Variants in CCL25 observed in about 807,000 individuals in gnomAD.
The protein encoded by CCL25 is C-C motif chemokine ligand 25.
Under a neutral mutation model 19.9 loss-of-function variants are expected in CCL25, and 14 were observed. The ratio of observed to expected loss-of-function variants is 0.70; its 90% CI spans 0.47 to 1.10. The LOEUF (loss-of-function observed/expected upper bound fraction) is 1.10, where lower values mean the gene tolerates loss of function less well. Ranked by LOEUF, CCL25 falls within the 50% of genes least tolerant of loss-of-function variation. The pLI, the probability that CCL25 is intolerant of heterozygous loss-of-function variation, is 0.00. For synonymous variants in CCL25, 68 were observed against 73.2 expected (o/e 0.93, Z 0.36); for missense variants, 151 against 181.2 (o/e 0.83, Z 0.96).
At chr19:8,056,789 C>T (rs2081275671) in intron 4 of CCL25, among the ~76,000 whole-genome samples, 1 of 152,134 alleles carries the variant, frequency 6.6e-6, no homozygotes, top group Admixed American at 6.5e-5. Flanking sequence ...AAGCAATCCT[C>T]CCACTTCAGA....
rs34298193 is a variant in CCL25, at chr19:8,059,118, TA to T, written c.445+1201del. ...AATGTATATATTTATATATAATATA[TA>T]AATATATATAAATATATATTATATA... is the stretch of plus-strand genomic sequence containing the variant. On this transcript the variant is annotated intron_variant, in intron 5 of 5. Transcript: ENST00000315626. Among the ~76,000 whole-genome samples, 159 of 99,678 alleles carry T rather than the reference TA, an allele frequency of 1.6e-3. 1 individual carries two copies. The highest frequency in any genetic ancestry group is 4.7e-3 in the Middle Eastern group (1 of 212). 65.4% of individuals were successfully genotyped at this position (99,678 alleles called of 152,430 possible).
Position 8,062,353 on chromosome 19 carries a change from A to C in CCL25, c.*128A>C. 3.0e-6 allele frequency: 3 copies of C among 1,013,482 alleles called. No homozygotes were observed. The highest frequency in any genetic ancestry group is 4.6e-6 in the Non-Finnish European group (3 of 654,036). 62.8% of individuals were successfully genotyped at this position (1,013,482 alleles called of 1,614,324 possible). On this transcript the variant is annotated 3_prime_UTR_variant, in exon 6 of 6. Coordinates refer to ENST00000315626, the MANE Select transcript of CCL25 (RefSeq NM_005624.4). ...GGTCAAGTCTTAATCCCTGCACCTGAGTTGGTCCTCCCTCTGCACCCCCAC... is the reference window on the plus strand; with the variant it reads ...GGTCAAGTCTTAATCCCTGCACCTGCGTTGGTCCTCCCTCTGCACCCCCAC...
Position 8,056,200 on chromosome 19 carries a change from C to A in CCL25, c.122C>A (p.Ala41Asp). The A allele has an allele frequency of 1.3e-6, 2 of 1,561,268 alleles. No individual in the cohort carries two copies. The highest frequency in any genetic ancestry group is 1.9e-5 in the Admixed American group (1 of 52,482). The stretch of plus-strand genomic sequence containing the variant: ...GCCTACCACTACCCCATTGGGTGGG[C>A]TGTGCTCCGGCGCGCCTGGACTTAC... ...CLAYHYPIGWAVLRRAWTYRI... is the reference protein window; with the variant it reads ...CLAYHYPIGWDVLRRAWTYRI... The change falls in exon 3 of 6, where the codon GCT becomes GAT. Residue 41 changes from alanine (A) to aspartate (D), a missense_variant. Ala to Asp is a moderately radical substitution (Grantham distance 126). Coordinates refer to ENST00000315626, the MANE Select transcript of CCL25 (RefSeq NM_005624.4).
intron 5 of CCL25, among the ~76,000 whole-genome samples, chr19:8,059,871 C>T (rs962746993): frequency 6.6e-6 from 1 of 151,862 alleles, no homozygotes; most frequent in Non-Finnish European, 1.5e-5. Flanking sequence ...GGGTGGATCA[C>T]GAGGTCAGGA....
chr19:8,058,382 A>ATATATAAGTAAATATATAATATATAAAT (rs1568335247), intron 5 of CCL25, among the ~76,000 whole-genome samples: 1 of 121,126 alleles, frequency 8.3e-6, no homozygotes, highest in Non-Finnish European at 1.6e-5. Context: ...AAATATATAT[A>ATATATAAGTAAATATATAATATATAAAT]ATATATAAGT....
chr19:8,056,330 C>T (rs369878493), intron 3 of CCL25, 36 bp from the exon 4 acceptor site: 37 of 1,610,744 alleles, frequency 2.3e-5, no homozygotes, highest in Non-Finnish European at 3.1e-5. Context: ...TGCCAGCCTA[C>T]ACCCTAACCT....
At position 8,053,072 on chromosome 19, in the gene CCL25, G is replaced by C. The variant is rs1447823183; in HGVS notation, c.23G>C (p.Cys8Ser). 1 of 1,554,800 alleles carries C rather than the reference G, an allele frequency of 6.4e-7. No individual in the cohort carries two copies. The highest frequency in any genetic ancestry group is 1.2e-5 in the South Asian group (1 of 84,268). The change falls in exon 2 of 6, where the codon TGC becomes TCC. Residue 8 changes from cysteine (C) to serine (S), a missense_variant. Cys to Ser is a moderately radical substitution (Grantham distance 112). Coordinates refer to ENST00000315626, the MANE Select transcript of CCL25 (RefSeq NM_005624.4). MNLWLLA[C>S]LVAGFLGAWA... Reference sequence around the variant, plus strand: ...AGCATGAACCTGTGGCTCCTGGCCTGCCTGGTGGCCGGCTTCCTGGGAGCC... The same window carrying C: ...AGCATGAACCTGTGGCTCCTGGCCTCCCTGGTGGCCGGCTTCCTGGGAGCC...
At position 8,062,534 on chromosome 19, in the gene CCL25, G is replaced by A. The variant is rs935713626; in HGVS notation, c.*309G>A. ...CTTTCTGTTTCTTGCCGTCCACCCC[G>A]GGCCATGCCAGTGTGTCCCTCTGGG... On this transcript the variant is annotated 3_prime_UTR_variant, in exon 6 of 6. Coordinates refer to ENST00000315626, the MANE Select transcript of CCL25 (RefSeq NM_005624.4). The A allele has an allele frequency of 5.9e-5, 25 of 421,660 alleles. No individual in the cohort carries two copies. In the East Asian group the frequency reaches 6.2e-4, roughly 10 times the overall value. 26.1% of individuals were successfully genotyped at this position (421,660 alleles called of 1,614,324 possible). A position where few individuals can be genotyped will look rare whatever the true frequency, so the allele number is the denominator to read the frequency against.
chr19:8,056,617 C>G, intron 4 of CCL25, 118 bp downstream of exon 4: 1 of 1,172,620 alleles, frequency 8.5e-7, no homozygotes, highest in Non-Finnish European at 1.2e-6. Flanking sequence ...CTGCCTGAAC[C>G]CCAAACAAAG....
At chr19:8,058,303 T>C (rs1285751661) in intron 5 of CCL25, among the ~76,000 whole-genome samples, 2 of 133,414 alleles carry the variant, frequency 1.5e-5, no homozygotes, top group Non-Finnish European at 3.1e-5. Flanking sequence ...TATATAAACA[T>C]ATATAATATA....
chr19:8,057,828 G>T lies in CCL25; in HGVS notation c.353G>T (p.Ser118Ile). 6.2e-7 allele frequency: 1 copy of T among 1,613,270 alleles called. No individual in the cohort carries two copies. The change falls in exon 5 of 6, where the codon AGT becomes ATT. Residue 118 changes from serine to isoleucine, a missense_variant. Transcript: ENST00000315626. ...QAGPHAVKKL[S>I]SGNSKLSSSK... ...GGCCCTCATGCTGTAAAGAAGTTGA[G>T]TTCTGGAAACTCCAAGTTATCATCG...
chr19:8,052,489 G>T (rs1019672527), upstream of CCL25, among the ~76,000 whole-genome samples: 2 of 151,802 alleles, frequency 1.3e-5, no homozygotes, highest in Non-Finnish European at 2.9e-5. Context: ...AGCCTTGTTC[G>T]CAGGCAGCCA....
rs1271755823 is a variant in CCL25 at position 8,052,803 on chromosome 19, C to T, written c.-70C>T. 6.4e-6 allele frequency: 3 copies of T among 471,304 alleles called. No homozygotes were observed. The highest frequency in any genetic ancestry group is 3.6e-5 in the Admixed American group (1 of 27,668). The allele number at this position is 471,304 out of a possible 1,614,324, so 29.2% of individuals were successfully genotyped here. ...CCTACAGCCCGGCGGGCATCAGCTC[C>T]CTTGACCCAGTGGATATCGGTGAGT... On this transcript the variant is annotated 5_prime_UTR_variant, in exon 1 of 6. Transcript: ENST00000315626.
intron 5 of CCL25, among the ~76,000 whole-genome samples, chr19:8,061,520 T>C (rs2145301506): frequency 6.6e-6 from 1 of 152,298 alleles, no homozygotes; most frequent in East Asian, 1.9e-4. Context: ...TTCTTCCCCT[T>C]CCTGGAGAAT....
intron 5 of CCL25, among the ~76,000 whole-genome samples, chr19:8,059,358 C>T (rs1205473424): frequency 6.6e-6 from 1 of 150,548 alleles, no homozygotes; most frequent in East Asian, 1.9e-4. Flanking sequence ...ATCACCACGT[C>T]TGGCTAATTT....
chr19:8,062,529 AC>A lies in CCL25; in HGVS notation c.*308del. ...TCTCACTTTCTGTTTCTTGCCGTCCACCCCGGGCCATGCCAGTGTGTCCCTC... is the reference window on the plus strand; with the variant it reads ...TCTCACTTTCTGTTTCTTGCCGTCCACCCGGGCCATGCCAGTGTGTCCCTC... On this transcript the variant is annotated 3_prime_UTR_variant, in exon 6 of 6. Coordinates refer to ENST00000315626, the MANE Select transcript of CCL25 (RefSeq NM_005624.4). 1 of 426,698 alleles carries A rather than the reference AC, an allele frequency of 2.3e-6. No homozygotes were observed. The highest frequency in any genetic ancestry group is 4.3e-6 in the Non-Finnish European group (1 of 234,674). 26.4% of individuals were successfully genotyped at this position (426,698 alleles called of 1,614,324 possible).
Position 8,062,529 on chromosome 19 carries a change from A to C in CCL25, c.*304A>C, listed in dbSNP as rs1599236338. 2.3e-6 allele frequency: 1 copy of C among 426,700 alleles called. No individual in the cohort carries two copies. The highest frequency in any genetic ancestry group is 3.4e-5 in the South Asian group (1 of 29,644). 26.4% of individuals were successfully genotyped at this position (426,700 alleles called of 1,614,324 possible). On this transcript the variant is annotated 3_prime_UTR_variant, in exon 6 of 6. Transcript: ENST00000315626. ...TCTCACTTTCTGTTTCTTGCCGTCC[A>C]CCCCGGGCCATGCCAGTGTGTCCCT...
intron 5 of CCL25, among the ~76,000 whole-genome samples, chr19:8,060,829 C>T (rs1030466195): frequency 5.3e-5 from 8 of 151,648 alleles, no homozygotes; most frequent in Admixed American, 4.0e-4. Context: ...TACAGGCGCC[C>T]GCCACCACGC....
chr19:8,059,143 T>TA (rs1568336040), intron 5 of CCL25, among the ~76,000 whole-genome samples: 106 of 21,328 alleles, frequency 5.0e-3, no homozygotes, highest in Non-Finnish European at 7.9e-3. Context: ...ATATATTATA[T>TA]AATATATAAT....
Sources: gnomAD v4.1 joint callset for allele counts (sites outside exome capture counted in the v4.1 genomes callset) on GRCh38, gnomAD v4.1.1 for gene constraint, MANE v1.5 for transcripts, NCBI Gene and HGNC (gene_info 2026-07-23, HGNC 2026-07-21) for gene names.